Variants in NEB observed in about 807,000 individuals in gnomAD.
NEB encodes nemaline myopathy type 2.
NEB carries 512 observed loss-of-function variants against 952.2 expected under a neutral mutation model. The observed-to-expected ratio is 0.54, with a 90% CI of 0.50 to 0.58. The LOEUF (loss-of-function observed/expected upper bound fraction) is 0.58. NEB is among the 20% of genes least tolerant of loss of function. The probability of loss-of-function intolerance (pLI) is 0.00; values close to 1 mark genes in which losing one functional copy is unlikely to be tolerated. For missense variants in NEB, 8,428 were observed against 9,231.1 expected (o/e 0.91, Z 3.56); for synonymous variants, 2,900 against 3,149.8 (o/e 0.92, Z 2.66).
chr2:151,612,426 A>G, intron 77 of NEB, 37 bp from the exon 78 acceptor site: 1 of 1,568,526 alleles, frequency 6.4e-7, no homozygotes, highest in Non-Finnish European at 8.8e-7. Context: ...TATAGATGTC[A>G]CCTAGACGGC....
rs1427590645 is a variant in NEB at position 151,634,074 on chromosome 2, G to A, written c.9103-109C>T. ...TACTTCAACTGACTTTTGTTAACAA[G>A]TACTAACTCAAGCCAGTATCCTGGC... On this transcript the variant is annotated intron_variant, in intron 64 of 181. Transcript: ENST00000397345. 2.4e-6 allele frequency: 3 copies of A among 1,256,098 alleles called. No individual in the cohort carries two copies. In the Admixed American group the frequency reaches 7.3e-5, roughly 31 times the overall value. 77.8% of individuals were successfully genotyped at this position (1,256,098 alleles called of 1,614,324 possible). A position where few individuals can be genotyped will look rare whatever the true frequency, so the allele number is the denominator to read the frequency against.
intron 136 of NEB, among the ~76,000 whole-genome samples, chr2:151,541,087 C>G (rs2093989346): frequency 2.6e-5 from 4 of 152,000 alleles, no homozygotes; most frequent in Admixed American, 2.6e-4. Context: ...TGAGAAGATT[C>G]TGATAGACCC....
At chr2:151,713,667 C>T (rs957906941) in intron 10 of NEB, among the ~76,000 whole-genome samples, 1 of 152,162 alleles carries the variant, frequency 6.6e-6, no homozygotes, top group Non-Finnish European at 1.5e-5. Flanking sequence ...TTTCCAGTGT[C>T]GCATTCAGGG....
rs2099737793 is a variant in NEB, at chr2:151,709,581, A to G, written c.1035+75T>C. On this transcript the variant is annotated intron_variant, in intron 12 of 181. Transcript: ENST00000397345. ...CCACTCCTCCCCTTTTTTACTAATTATATACAAGAGCCAAAGTTATAAGAA... is the reference window on the plus strand; with the variant it reads ...CCACTCCTCCCCTTTTTTACTAATTGTATACAAGAGCCAAAGTTATAAGAA... 15 of 1,173,664 alleles carry G rather than the reference A, an allele frequency of 1.3e-5. No individual in the cohort carries two copies. The East Asian group carries it at 3.9e-4, about 30-fold the overall frequency. The allele number at this position is 1,173,664 out of a possible 1,614,324, so 72.7% of individuals were successfully genotyped here.
intron 19 of NEB, 38 bp from the exon 20 acceptor site, chr2:151,694,474 G>C: frequency 1.2e-6 from 2 of 1,613,088 alleles, no homozygotes; most frequent in Non-Finnish European, 1.7e-6. Context: ...CCACTCAAGA[G>C]GAAATGTCCC....
intron 74 of NEB, 82 bp downstream of exon 74, chr2:151,618,193 T>C: frequency 7.8e-7 from 1 of 1,279,142 alleles, no homozygotes; most frequent in Non-Finnish European, 1.1e-6. Flanking sequence ...TATTATTATC[T>C]TTAAAATGCA....
intron 20 of NEB, among the ~76,000 whole-genome samples, chr2:151,693,609 T>C (rs1222130905): frequency 6.6e-6 from 1 of 152,234 alleles, no homozygotes; most frequent in Non-Finnish European, 1.5e-5. Context: ...TTCCATTTTA[T>C]GGCTGCACAG....
At chr2:151,727,129 G>C (rs2099793941) in intron 5 of NEB, among the ~76,000 whole-genome samples, 1 of 151,686 alleles carries the variant, frequency 6.6e-6, no homozygotes, top group Non-Finnish European at 1.5e-5. Context: ...AGCATCATTA[G>C]TTTTAAAATT....
Position 151,610,588 on chromosome 2 carries a change from C to T in NEB, c.11946G>A (p.Met3982Ile), listed in dbSNP as rs2097912146. The T allele has an allele frequency of 6.2e-7, 1 of 1,613,612 alleles. No homozygotes were observed. Among genetic ancestry groups the T allele is most frequent in the African/African-American group, 1.3e-5 (1 of 74,910 alleles). Residue 3982 changes from methionine (M) to isoleucine (I), a missense_variant, in exon 80 of 182, where the codon ATG becomes ATA. Physicochemically the swap from Met to Ile is conservative, Grantham distance 10. Transcript: ENST00000397345. The stretch of plus-strand genomic sequence containing the variant: ...CATCTGCTCTCAGATCATAGTCCTT[C>T]ATCTTTGATTCATCCCATCCCTTGG... Reference protein sequence around the residue: ...LYTKGWDESKMKDYDLRADAI... With the variant: ...LYTKGWDESKIKDYDLRADAI...
chr2:151,696,671 A>G lies in NEB; in HGVS notation c.1535T>C (p.Leu512Pro). ...TTGTTTGGAATTGACTTGGGCTTGT[A>G]GCAGAACAGGAGAGTCTGTAACTTG... is the stretch of plus-strand genomic sequence containing the variant. ...FTQVTDSPVLLQAQVNSKQLS... is the reference protein window; with the variant it reads ...FTQVTDSPVLPQAQVNSKQLS... Residue 512 changes from leucine (L) to proline (P), a missense_variant, in exon 17 of 182, where the codon CTA (leucine) becomes CCA (proline). This residue lies in a region of NEB where 2,851 missense variants were observed against 2,791.5 expected (regional missense o/e 1.02). Transcript: ENST00000397345. 6.2e-7 allele frequency: 1 copy of G among 1,613,840 alleles called. No homozygotes were observed.
chr2:151,675,446 CT>C, intron 34 of NEB, 55 bp from the exon 35 acceptor site: 1 of 1,199,910 alleles, frequency 8.3e-7, no homozygotes, highest in South Asian at 1.4e-5. Context: ...TAATTGTTTG[CT>C]TTAAAGAGTT....
chr2:151,643,758 T>C, intron 57 of NEB, 60 bp downstream of exon 57: 2 of 1,579,886 alleles, frequency 1.3e-6, no homozygotes, highest in South Asian at 2.4e-5. Context: ...ACTATGGGAC[T>C]CTGATACTTT....
At chr2:151,561,135 C>T in intron 122 of NEB, 27 bp from the exon 123 acceptor site, 2 of 1,561,168 alleles carry the variant, frequency 1.3e-6, no homozygotes, top group South Asian at 1.1e-5. Flanking sequence ...ATAGGTTATT[C>T]ACCTCTGTTG....
chr2:151,616,024 G>A lies in NEB; in HGVS notation c.11267C>T (p.Ala3756Val), dbSNP rs372245772. 5 of 1,612,704 alleles carry A rather than the reference G, an allele frequency of 3.1e-6. No homozygotes were observed. Among genetic ancestry groups the A allele is most frequent in the Admixed American group, 1.7e-5 (1 of 59,904 alleles). The change falls in exon 76 of 182, where the codon GCT becomes GTT. Residue 3756 changes from alanine to valine, a missense_variant. By Grantham distance (64) the Ala-to-Val change is moderately conservative. This residue lies in a region of NEB where 1,772 missense variants were observed against 1,960.3 expected (regional missense o/e 0.90). Transcript: ENST00000397345. ...LDAIPIQAAK[A>V]SRDIASDYKY... ...TACATCACTAGCAATATCTCTTGAAGCCTTGGCTGCTTGGATTGGAATGGC... is the reference window on the plus strand; with the variant it reads ...TACATCACTAGCAATATCTCTTGAAACCTTGGCTGCTTGGATTGGAATGGC...
At chr2:151,609,615 C>G (rs2097861016) in intron 81 of NEB, among the ~76,000 whole-genome samples, 194 bp downstream of exon 81, 1 of 152,140 alleles carries the variant, frequency 6.6e-6, no homozygotes. Context: ...TTATATTTGT[C>G]TGAAATATGT....
chr2:151,630,774 T>G lies in NEB; in HGVS notation c.9664A>C (p.Ile3222Leu). 6.2e-7 allele frequency: 1 copy of G among 1,612,092 alleles called. No individual in the cohort carries two copies. Among genetic ancestry groups the G allele is most frequent in the Non-Finnish European group, 8.5e-7 (1 of 1,178,982 alleles). ...ATAATCTCTGGTGTATCAGGCATTA[T>G]GTGAATTTGAGTCTTGTCTTTGTCC... ...AWDKDKTQIH[I>L]MPDTPEIMLA... Residue 3222 changes from isoleucine (I) to leucine (L), a missense_variant, in exon 67 of 182, where the codon ATA becomes CTA. Physicochemically the swap from Ile to Leu is conservative, Grantham distance 5. Coordinates refer to ENST00000397345, the MANE Select transcript of NEB (RefSeq NM_001164508.2).
chr2:151,674,345 C>T (rs916468248), intron 36 of NEB, 132 bp downstream of exon 36: 25 of 800,004 alleles, frequency 3.1e-5, no homozygotes, highest in South Asian at 2.2e-4. Context: ...ACAGGTTTTT[C>T]CAAACAATAT....
Position 151,569,284 on chromosome 2 carries a change from G to A in NEB, c.17519C>T (p.Ala5840Val), listed in dbSNP as rs539856643. The A allele has an allele frequency of 1.7e-5, 27 of 1,613,784 alleles. No homozygotes were observed. The highest frequency in any genetic ancestry group is 1.5e-4 in the African/African-American group (11 of 75,012). Residue 5840 changes from alanine (A) to valine (V), a missense_variant, in exon 110 of 182, where the codon GCG becomes GTG. Coordinates refer to ENST00000397345, the MANE Select transcript of NEB (RefSeq NM_001164508.2). ...TTGGAATACCTCACTGAAGATGTCC[G>A]CGGCATGTTTGGCATGATTGACGGA... The part of the protein sequence containing the change: ...SVSVNHAKHA[A>V]DIFSEKKYRT...
At chr2:151,506,328 T>G (rs1387829911) in intron 163 of NEB, 70 bp from the exon 164 acceptor site, 2 of 1,153,966 alleles carry the variant, frequency 1.7e-6, no homozygotes, top group African/African-American at 3.1e-5. Flanking sequence ...GGAGAAAGAC[T>G]AGGACACATG....
Sources: gnomAD v4.1 joint callset for allele counts (sites outside exome capture counted in the v4.1 genomes callset) on GRCh38, gnomAD v4.1.1 for gene constraint, gnomAD v4.1.1 regional missense constraint, MANE v1.5 for transcripts, NCBI Gene and HGNC (gene_info 2026-07-23, HGNC 2026-07-21) for gene names.